Variants in ANKRD12 observed in about 807,000 individuals in gnomAD.
ANKRD12 encodes ankyrin repeat domain-containing protein 12.
ANKRD12 carries 85 observed loss-of-function variants against 183.4 expected under a neutral mutation model. The observed-to-expected ratio is 0.46, with a 90% CI of 0.39 to 0.56. The LOEUF (loss-of-function observed/expected upper bound fraction) is 0.56. Ranked by LOEUF, ANKRD12 falls within the 20% of genes least tolerant of loss-of-function variation. The pLI is 0.00. For missense variants in ANKRD12, 2,405 were observed against 2,357.1 expected, an observed-to-expected ratio of 1.02 and a Z score of -0.42; for synonymous variants, 914 against 800.2, an observed-to-expected ratio of 1.14 and a Z score of -2.40.
intron 2 of ANKRD12, among the ~76,000 whole-genome samples, chr18:9,191,252 A>G (rs2034437303): frequency 6.6e-6 from 1 of 152,234 alleles, no homozygotes; most frequent in African/African-American, 2.4e-5. Context: ...CCTCTCGTGA[A>G]TTTGATAGAG....
chr18:9,259,239 G>A (rs2038819288), intron 9 of ANKRD12: 1 of 184,670 alleles, frequency 5.4e-6, no homozygotes. Context: ...ATCATTTCAG[G>A]TGAACCATAT....
chr18:9,173,946 C>T (rs904295855), intron 1 of ANKRD12, among the ~76,000 whole-genome samples: 1 of 152,234 alleles, frequency 6.6e-6, no homozygotes, highest in African/African-American at 2.4e-5. Flanking sequence ...CACTCCTCCC[C>T]CTAGGGGCTT....
At chr18:9,243,921 A>T (rs1417119522) in intron 8 of ANKRD12, among the ~76,000 whole-genome samples, 3 of 152,228 alleles carry the variant, frequency 2.0e-5, no homozygotes, top group Non-Finnish European at 4.4e-5. Flanking sequence ...GGATCACCTG[A>T]GGTCAGGAGT....
At chr18:9,239,534 A>C (rs1212097958) in intron 8 of ANKRD12, 1 of 1,286,218 alleles carries the variant, frequency 7.8e-7, no homozygotes, top group Non-Finnish European at 1.0e-6. Context: ...AAAGTCCCTC[A>C]AGGAATGATA....
At chr18:9,156,746 T>A (rs1037977043) in intron 1 of ANKRD12, among the ~76,000 whole-genome samples, 1 of 152,144 alleles carries the variant, frequency 6.6e-6, no homozygotes, top group African/African-American at 2.4e-5. Context: ...ATGTGGTATA[T>A]ACGTAAATGG....
Position 9,255,160 on chromosome 18 carries a change from A to G in ANKRD12, c.1893A>G (p.Pro631=). The G allele has an allele frequency of 1.3e-6, 2 of 1,587,228 alleles. No homozygotes were observed. Among genetic ancestry groups the G allele is most frequent in the Non-Finnish European group, 1.7e-6 (2 of 1,172,352 alleles). ...AAATAAAGGATGAAGATCATAGTCCAACATTTGAAAATTCAGATTGCACAC... is the reference window on the plus strand; with the variant it reads ...AAATAAAGGATGAAGATCATAGTCCGACATTTGAAAATTCAGATTGCACAC... ...NAKIKDEDHS[P]TFENSDCTLK... is the part of the protein sequence containing the mutation. Residue 631 remains proline, a synonymous_variant, in exon 9 of 13, where the codon CCA becomes CCG. Transcript: ENST00000262126.
chr18:9,242,129 T>TGTAA (rs2037699397), intron 8 of ANKRD12, among the ~76,000 whole-genome samples: 2 of 152,146 alleles, frequency 1.3e-5, no homozygotes, highest in Admixed American at 1.3e-4. Flanking sequence ...TGCAAATTAA[T>TGTAA]GTAAGTCTTT....
chr18:9,207,909 A>G (rs1437139137), intron 4 of ANKRD12, among the ~76,000 whole-genome samples: 1 of 152,174 alleles, frequency 6.6e-6, no homozygotes, highest in Admixed American at 6.5e-5. Context: ...AATTCAGTTC[A>G]GTCTGAATTT....
intron 1 of ANKRD12, among the ~76,000 whole-genome samples, chr18:9,160,722 T>C (rs777077897): frequency 2.0e-5 from 3 of 152,198 alleles, no homozygotes; most frequent in Non-Finnish European, 4.4e-5. Flanking sequence ...TATCAAGTGT[T>C]ATGAGCCTAA....
chr18:9,205,285 G>T (rs1160283145), intron 4 of ANKRD12, among the ~76,000 whole-genome samples: 1 of 150,762 alleles, frequency 6.6e-6, no homozygotes, highest in African/African-American at 2.4e-5. Context: ...TTTTAAATTG[G>T]CTAACATTGT....
intron 2 of ANKRD12, among the ~76,000 whole-genome samples, chr18:9,185,887 C>T (rs765503561): frequency 5.3e-5 from 8 of 152,090 alleles, no homozygotes; most frequent in Non-Finnish European, 8.8e-5. Context: ...AAGTAGTTTG[C>T]GTGGAGATGT....
In ANKRD12 at chr18:9,258,163, AAAAG is replaced by A; in HGVS notation, c.4900_4903del (p.Glu1634ThrfsTer8). ...CTGATACTCAGGTCATTTCACATGAAAAAGAAAACAAACTGGAGAGTTTGGTTTT... is the reference window on the plus strand; with the variant it reads ...CTGATACTCAGGTCATTTCACATGAAAAAACAAACTGGAGAGTTTGGTTTT... On this transcript the variant is annotated frameshift_variant, in exon 9 of 13. Coordinates refer to ENST00000262126, the MANE Select transcript of ANKRD12 (RefSeq NM_015208.5). LOFTEE classifies it high-confidence loss of function. 2 of 1,613,840 alleles carry A rather than the reference AAAAG, an allele frequency of 1.2e-6. No individual in the cohort carries two copies. Among genetic ancestry groups the A allele is most frequent in the Non-Finnish European group, 1.7e-6 (2 of 1,179,972 alleles).
chr18:9,167,744 C>G (rs1298201962), intron 1 of ANKRD12, among the ~76,000 whole-genome samples: 2 of 152,194 alleles, frequency 1.3e-5, no homozygotes, highest in African/African-American at 4.8e-5. Flanking sequence ...GCCACAACTT[C>G]CAACACTGTG....
intron 2 of ANKRD12, among the ~76,000 whole-genome samples, chr18:9,184,786 T>C (rs2033935457): frequency 1.3e-5 from 2 of 152,180 alleles, no homozygotes; most frequent in African/African-American, 4.8e-5. Flanking sequence ...ACAACCACAA[T>C]CAATTTTAGA....
intron 1 of ANKRD12, among the ~76,000 whole-genome samples, chr18:9,148,677 C>T (rs2078574567): frequency 6.6e-6 from 1 of 152,108 alleles, no homozygotes; most frequent in African/African-American, 2.4e-5. Context: ...TCTTCCACCC[C>T]TGTCCCCTGT....
At chr18:9,246,490 T>C (rs1466569379) in intron 8 of ANKRD12, among the ~76,000 whole-genome samples, 1 of 152,204 alleles carries the variant, frequency 6.6e-6, no homozygotes, top group Non-Finnish European at 1.5e-5. Context: ...CCATTATTTA[T>C]TTGAAAGACT....
intron 11 of ANKRD12, among the ~76,000 whole-genome samples, chr18:9,275,930 A>G (rs1259658395): frequency 1.3e-5 from 2 of 152,198 alleles, no homozygotes; most frequent in African/African-American, 4.8e-5. Context: ...AGGTACACAT[A>G]ATTTGTTTCT....
rs1403359562 is a variant in ANKRD12 at position 9,279,596 on chromosome 18, A to G, written c.5955A>G (p.Gln1985=). ...TGAGGGATCGCTTTAATGCAAGACA[A>G]TTCATGTCTTGGTTACAAGATGTGG... ...TSVRDRFNAR[Q]FMSWLQDVDD... The change falls in exon 12 of 13, where the codon CAA becomes CAG. Residue 1985 remains glutamine, a synonymous_variant. Coordinates refer to ENST00000262126, the MANE Select transcript of ANKRD12 (RefSeq NM_015208.5). 8 of 1,608,470 alleles carry G rather than the reference A, an allele frequency of 5.0e-6. No individual in the cohort carries two copies. The highest frequency in any genetic ancestry group is 5.9e-6 in the Non-Finnish European group (7 of 1,178,536).
intron 1 of ANKRD12, among the ~76,000 whole-genome samples, chr18:9,171,906 G>C (rs2032765157): frequency 6.6e-6 from 1 of 151,776 alleles, no homozygotes; most frequent in African/African-American, 2.4e-5. Context: ...TGTAATCCTG[G>C]CTACTTGGGA....
Sources: allele counts gnomAD v4.1 joint callset (sites outside exome capture counted in the v4.1 genomes callset), GRCh38; gene constraint gnomAD v4.1.1; transcripts MANE v1.5; gene names NCBI Gene and HGNC (gene_info 2026-07-23, HGNC 2026-07-21).